DAAM1: variants seen among roughly 807,000 people sequenced by gnomAD.
DAAM1 encodes dishevelled associated activator of morphogenesis 1.
In DAAM1, 52 loss-of-function variants were observed where a neutral mutation model predicts 130.0. That is an observed-to-expected ratio of 0.40 (90% confidence interval 0.32 to 0.50). DAAM1 has a LOEUF of 0.50. DAAM1 is among the 20% of genes least tolerant of loss of function. The pLI is 0.61. For missense variants in DAAM1, 1,134 were observed against 1,303.8 expected, an observed-to-expected ratio of 0.87 and a Z score of 2.01; for synonymous variants, 452 against 444.5, an observed-to-expected ratio of 1.02 and a Z score of -0.21.
chr14:59,312,134 G>T (rs998289577), intron 3 of DAAM1, among the ~76,000 whole-genome samples: 2 of 152,060 alleles, frequency 1.3e-5, no homozygotes, highest in South Asian at 2.1e-4. Context: ...AAACTTACAG[G>T]GTCAAAGGCT....
At chr14:59,235,782 C>T (rs1313189) in intron 1 of DAAM1, among the ~76,000 whole-genome samples, 149,832 of 152,290 alleles carry the variant, frequency 0.98, 73,752 homozygotes, top group East Asian at 1. Context: ...CATTTAGTTA[C>T]ATAAATTTCC....
At chr14:59,282,897 A>G (rs773734211) in intron 2 of DAAM1, among the ~76,000 whole-genome samples, 5 of 152,184 alleles carry the variant, frequency 3.3e-5, no homozygotes, top group Non-Finnish European at 7.3e-5. Flanking sequence ...ATCCAAAATC[A>G]TATGCAGAGA....
intron 10 of DAAM1, 22 bp downstream of exon 10, chr14:59,326,099 A>G (rs753955838): frequency 8.1e-6 from 13 of 1,601,148 alleles, no homozygotes; most frequent in Non-Finnish European, 1.0e-5. Flanking sequence ...CGTGACTCAC[A>G]TGTGTGCTTC....
At chr14:59,306,281 G>A (rs184064135) in intron 3 of DAAM1, among the ~76,000 whole-genome samples, 53 of 152,244 alleles carry the variant, frequency 3.5e-4, no homozygotes, top group Non-Finnish European at 2.5e-4. Flanking sequence ...AAGGAGAGCA[G>A]GGAACTTTGT....
rs1883564110 is a variant in DAAM1, at chr14:59,288,544, C to T, written c.184-2673C>T. ...ACAAAGGTCTAATATCCAGAATCTA[C>T]AAGAAATCAGCAAGCAAAAAACAAC... On this transcript the variant is annotated intron_variant, in intron 2 of 24. Transcript: ENST00000360909. 2.0e-5 allele frequency among the ~76,000 whole-genome samples: 3 copies of T among 152,192 alleles called. No individual in the cohort carries two copies. The South Asian group carries it at 6.2e-4, about 32-fold the overall frequency.
chr14:59,344,063 G>A (rs763499354), intron 16 of DAAM1, among the ~76,000 whole-genome samples: 7 of 152,264 alleles, frequency 4.6e-5, no homozygotes, highest in South Asian at 2.1e-4. Flanking sequence ...GGGTGGCAGC[G>A]GGGGAGACAG....
In DAAM1 at chr14:59,350,404, C is replaced by A. The variant is rs144495112; in HGVS notation, c.2161-2122C>A. 2.6e-5 allele frequency among the ~76,000 whole-genome samples: 4 copies of A among 152,126 alleles called. No homozygotes were observed. In the South Asian group the frequency reaches 8.3e-4, roughly 32 times the overall value. ...TCTGCACACATATACCACACATACA[C>A]ACCTACACACAGTGTGCATACACCC... On this transcript the variant is annotated intron_variant, in intron 17 of 24. Transcript: ENST00000360909.
chr14:59,287,934 A>G (rs543373961), intron 2 of DAAM1, among the ~76,000 whole-genome samples: 55 of 152,352 alleles, frequency 3.6e-4, no homozygotes, highest in African/African-American at 1.3e-3. Context: ...TAAAATTCAT[A>G]TAGAACCAAA....
In DAAM1 at chr14:59,331,504, C is replaced by G; in HGVS notation, c.1856C>G (p.Pro619Arg). ...ALKSFNWSKL[P>R]ENKLEGTVWT... Reference sequence around the variant, plus strand: ...AAATCCTTCAACTGGTCTAAACTGCCCGAGGTGAGCCATTTGTTCCAGTTT... The same window carrying G: ...AAATCCTTCAACTGGTCTAAACTGCGCGAGGTGAGCCATTTGTTCCAGTTT... The change falls in exon 14 of 25, where the codon CCC becomes CGC. Residue 619 changes from proline to arginine, a missense_variant. Physicochemically the swap from Pro to Arg is moderately radical, Grantham distance 103. Transcript: ENST00000360909. 1 of 1,581,892 alleles carries G rather than the reference C, an allele frequency of 6.3e-7. No homozygotes were observed. The highest frequency in any genetic ancestry group is 8.6e-7 in the Non-Finnish European group (1 of 1,161,880).
At chr14:59,200,150 A>T (rs1293618771) in intron 1 of DAAM1, among the ~76,000 whole-genome samples, 1 of 152,128 alleles carries the variant, frequency 6.6e-6, no homozygotes, top group Non-Finnish European at 1.5e-5. Flanking sequence ...GGCCAGCCAC[A>T]TTTTAAGGAC....
intron 1 of DAAM1, among the ~76,000 whole-genome samples, chr14:59,259,539 C>G (rs567267299): frequency 6.6e-6 from 1 of 152,186 alleles, no homozygotes; most frequent in Non-Finnish European, 1.5e-5. Flanking sequence ...CACAGTCATA[C>G]AGACCTTGTC....
At position 59,355,201 on chromosome 14, in the gene DAAM1, G is replaced by T. The variant is rs367677783; in HGVS notation, c.2393G>T (p.Gly798Val). ...GGCTCAGAAGAGGTGTTTAGGAGTGGTGCCCTCAAGCAGTTGCTGGAGGTG... is the reference window on the plus strand; with the variant it reads ...GGCTCAGAAGAGGTGTTTAGGAGTGTTGCCCTCAAGCAGTTGCTGGAGGTG... ...RSGSEEVFRS[G>V]ALKQLLEVVL... is the part of the protein sequence containing the mutation. The change falls in exon 20 of 25, where the codon GGT (glycine) becomes GTT (valine). Residue 798 changes from glycine to valine, a missense_variant. Coordinates refer to ENST00000360909, the MANE Select transcript of DAAM1 (RefSeq NM_001270520.2). The T allele has an allele frequency of 1.9e-6, 3 of 1,613,992 alleles. No homozygotes were observed. The highest frequency in any genetic ancestry group is 1.7e-6 in the Non-Finnish European group (2 of 1,179,994).
chr14:59,230,441 A>T (rs1201219015), intron 1 of DAAM1, among the ~76,000 whole-genome samples: 1 of 152,144 alleles, frequency 6.6e-6, no homozygotes, highest in East Asian at 1.9e-4. Flanking sequence ...AAAATATAAC[A>T]GATACTAATT....
chr14:59,359,516 C>CA lies in DAAM1; in HGVS notation c.2633+13dup, dbSNP rs773981562. On this transcript the variant is annotated intron_variant, in intron 21 of 24. Transcript: ENST00000360909. The stretch of plus-strand genomic sequence containing the variant: ...GCTGCGAAAGTAAAGTAAGTACTTA[C>CA]AGTGAGTGTTAGTTTCTTAAATCAC... 6.3e-7 allele frequency: 1 copy of CA among 1,594,802 alleles called. No individual in the cohort carries two copies. The highest frequency in any genetic ancestry group is 8.6e-7 in the Non-Finnish European group (1 of 1,162,918).
chr14:59,288,631 C>T (rs1258596090), intron 2 of DAAM1, among the ~76,000 whole-genome samples: 1 of 152,062 alleles, frequency 6.6e-6, no homozygotes, highest in Non-Finnish European at 1.5e-5. Flanking sequence ...ATGCATGCAA[C>T]CAATATGAAA....
chr14:59,334,673 A>T (rs529121662), intron 15 of DAAM1, among the ~76,000 whole-genome samples: 2 of 152,238 alleles, frequency 1.3e-5, no homozygotes, highest in African/African-American at 4.8e-5. Flanking sequence ...CACTTAGGGG[A>T]TATATACAAA....
At chr14:59,364,700 T>G (rs879432123) in intron 23 of DAAM1, among the ~76,000 whole-genome samples, 1 of 152,232 alleles carries the variant, frequency 6.6e-6, no homozygotes, top group African/African-American at 2.4e-5. Flanking sequence ...GTTGTAGATA[T>G]GGATGATTGT....
At chr14:59,225,022 T>G (rs994862592) in intron 1 of DAAM1, among the ~76,000 whole-genome samples, 14,453 of 125,316 alleles carry the variant, frequency 0.12, 1,483 homozygotes, top group East Asian at 0.25. Context: ...TGTGTGGGTT[T>G]TTTTTTTTTT....
In DAAM1 at chr14:59,195,141, CTTTT is replaced by C. The variant is rs33934407; in HGVS notation, c.-38+6392_-38+6395del. ...TTTCTTAATCATTCATCTTGTTATA[CTTTT>C]TTTTTTTTTTTTTTTTTTGAGACAA... On this transcript the variant is annotated intron_variant, in intron 1 of 24. Transcript: ENST00000360909. Among the ~76,000 whole-genome samples, 76 of 98,136 alleles carry C rather than the reference CTTTT, an allele frequency of 7.7e-4. 1 individual carries two copies. In the East Asian group the frequency reaches 0.012, roughly 16 times the overall value. 64.4% of individuals were successfully genotyped at this position (98,136 alleles called of 152,430 possible).
Sources: gnomAD v4.1 joint callset for allele counts (sites outside exome capture counted in the v4.1 genomes callset) on GRCh38, gnomAD v4.1.1 for gene constraint, MANE v1.5 for transcripts, NCBI Gene and HGNC (gene_info 2026-07-23, HGNC 2026-07-21) for gene names.